RIMBP2: variants seen among roughly 807,000 people sequenced by gnomAD.
RIMBP2 encodes the protein RIMS-binding protein 2.
In RIMBP2, 48 loss-of-function variants were observed where a neutral mutation model predicts 118.6. That is an observed-to-expected ratio of 0.40 (90% CI 0.32 to 0.51). The LOEUF (loss-of-function observed/expected upper bound fraction) is 0.51, where lower values mean the gene tolerates loss of function less well. Ranked by LOEUF, RIMBP2 falls within the 20% of genes least tolerant of loss-of-function variation. RIMBP2 has a pLI of 0.41. For synonymous variants in RIMBP2, 762 were observed against 742.9 expected, an observed-to-expected ratio of 1.03 and a Z score of -0.42; for missense variants, 1,551 against 1,768.3, an observed-to-expected ratio of 0.88 and a Z score of 2.20.
chr12:130,453,377 T>C (rs1593356866), intron 7 of RIMBP2, among the ~76,000 whole-genome samples: 1 of 152,348 alleles, frequency 6.6e-6, no homozygotes. Flanking sequence ...CGGGACCCCT[T>C]CTCTGTCTTG....
intron 1 of RIMBP2, among the ~76,000 whole-genome samples, chr12:130,672,899 A>G: frequency 6.6e-6 from 1 of 152,326 alleles, no homozygotes; most frequent in South Asian, 2.1e-4. Context: ...TAGTATTTAG[A>G]TCCACACTTC....
intron 2 of RIMBP2, among the ~76,000 whole-genome samples, chr12:130,570,119 A>T (rs2057517475): frequency 6.6e-6 from 1 of 152,036 alleles, no homozygotes; most frequent in South Asian, 2.1e-4. Context: ...TCTCTCTGTG[A>T]TGTATTAAAA....
At chr12:130,488,706 C>T (rs2082683112) in intron 4 of RIMBP2, among the ~76,000 whole-genome samples, 1 of 151,450 alleles carries the variant, frequency 6.6e-6, no homozygotes, top group African/African-American at 2.4e-5. Context: ...CCTCCCACTT[C>T]CCATCCTGAG....
chr12:130,481,817 G>A (rs35767320), intron 4 of RIMBP2, among the ~76,000 whole-genome samples: 30,062 of 152,032 alleles, frequency 0.2, 3,457 homozygotes, highest in Middle Eastern at 0.38. Flanking sequence ...CAGCCCTCCC[G>A]AGATCCGCCC....
At chr12:130,445,320 G>C (rs376306450) in intron 9 of RIMBP2, 51 bp from the exon 10 acceptor site, 3 of 1,345,530 alleles carry the variant, frequency 2.2e-6, no homozygotes, top group Admixed American at 1.9e-5. Context: ...GACACAGCCC[G>C]CACCCCTGTC....
In RIMBP2 at chr12:130,441,998, C is replaced by T. The variant is rs540874969; in HGVS notation, c.1354G>A (p.Ala452Thr). 6.2e-6 allele frequency: 10 copies of T among 1,614,024 alleles called. No homozygotes were observed. The highest frequency in any genetic ancestry group is 1.1e-5 in the South Asian group (1 of 91,082). Residue 452 changes from alanine to threonine, a missense_variant, in exon 11 of 23, where the codon GCC becomes ACC. By Grantham distance (58) the Ala-to-Thr change is moderately conservative. Around this residue, in one of 5 missense-constraint regions of RIMBP2, gnomAD observed 265 missense variants for 349.5 expected, o/e 0.76. Coordinates refer to ENST00000690449, the MANE Select transcript of RIMBP2 (RefSeq NM_001393629.1). ...TTGAAGAACTGGTACTTGTACCTGGCGGCCTTGACGATGTCGAACTCCTCC... is the reference window on the plus strand; with the variant it reads ...TTGAAGAACTGGTACTTGTACCTGGTGGCCTTGACGATGTCGAACTCCTCC... ...NEEEFDIVKA[A>T]RYKYQFFNLR...
rs557567930 is a variant in RIMBP2, at chr12:130,533,564, AC to A, written c.-216-15648del. ...TCCAGTAATTCCACTACTGGTATCCACCCAAAGGAAAACAAATCATTGTATC... is the reference window on the plus strand; with the variant it reads ...TCCAGTAATTCCACTACTGGTATCCACCAAAGGAAAACAAATCATTGTATC... On this transcript the variant is annotated intron_variant, in intron 2 of 22. Coordinates refer to ENST00000690449, the MANE Select transcript of RIMBP2 (RefSeq NM_001393629.1). 2.3e-4 allele frequency among the ~76,000 whole-genome samples: 35 copies of A among 152,342 alleles called. 1 individual carries two copies. In the South Asian group the frequency reaches 7.1e-3, roughly 31 times the overall value.
Position 130,579,386 on chromosome 12 carries a change from G to A in RIMBP2, c.-217+48936C>T, listed in dbSNP as rs2058309619. Among the ~76,000 whole-genome samples, 4 of 152,292 alleles carry A rather than the reference G, an allele frequency of 2.6e-5. No homozygotes were observed. In the South Asian group the frequency reaches 8.3e-4, roughly 32 times the overall value. On this transcript the variant is annotated intron_variant, in intron 2 of 22. Transcript: ENST00000690449. ...AAACCCTGGGCCCTGACTCTCTGAT[G>A]AGCTTCCCTGGTAGATGACGTTTCA...
chr12:130,644,997 A>G (rs1461452153), intron 1 of RIMBP2, among the ~76,000 whole-genome samples: 1 of 152,224 alleles, frequency 6.6e-6, no homozygotes, highest in East Asian at 1.9e-4. Flanking sequence ...AATACTCAGG[A>G]ACACTGTGAA....
In RIMBP2 at chr12:130,442,477, G is replaced by A. The variant is rs142639224; in HGVS notation, c.875C>T (p.Ala292Val). The stretch of plus-strand genomic sequence containing the variant: ...CCCGGCACTGTTGTCGGTGATGCCC[G>A]CATCTATGTGGGTTGGGGAGTGGAG... ...LDLHSPTHID[A>V]GITDNSAGTL... Residue 292 changes from alanine to valine, a missense_variant, in exon 11 of 23, where the codon GCG (alanine) becomes GTG (valine). Around this residue, in one of 5 missense-constraint regions of RIMBP2, gnomAD observed 265 missense variants for 349.5 expected, o/e 0.76. Transcript: ENST00000690449. This position sits in a 1 kb window ranked among gnomAD's most constrained non-coding sequence, Gnocchi z 6.9. 1.2e-4 allele frequency: 192 copies of A among 1,614,180 alleles called. 1 individual carries two copies. The East Asian group carries it at 3.2e-3, about 27-fold the overall frequency.
At chr12:130,654,690 T>A (rs2063352834) in intron 1 of RIMBP2, among the ~76,000 whole-genome samples, 1 of 152,258 alleles carries the variant, frequency 6.6e-6, no homozygotes, top group Admixed American at 6.5e-5. Context: ...TTTGTATTGC[T>A]ATAAAGAAAT....
intron 2 of RIMBP2, among the ~76,000 whole-genome samples, chr12:130,556,694 G>T (rs931237195): frequency 6.6e-6 from 1 of 152,126 alleles, no homozygotes; most frequent in African/African-American, 2.4e-5. Context: ...CCACCTTCTC[G>T]CCTGCTACCC....
At chr12:130,595,101 A>C (rs1255441360) in intron 2 of RIMBP2, among the ~76,000 whole-genome samples, 1 of 152,254 alleles carries the variant, frequency 6.6e-6, no homozygotes, top group Non-Finnish European at 1.5e-5. Flanking sequence ...CCAGTTAAAT[A>C]ATGCACTTTA....
chr12:130,476,391 G>A (rs1206422806), intron 5 of RIMBP2, among the ~76,000 whole-genome samples: 5 of 152,208 alleles, frequency 3.3e-5, no homozygotes, highest in African/African-American at 1.2e-4. Flanking sequence ...AAAGACGACT[G>A]GTGACTTCTA....
intron 14 of RIMBP2, chr12:130,432,421 T>C (rs377208343): frequency 6.6e-5 from 27 of 412,074 alleles, no homozygotes; most frequent in African/African-American, 4.9e-4. Flanking sequence ...ATAAAACCTG[T>C]GCTATCGTGG....
At chr12:130,652,468 CCT>C (rs1362354689) in intron 1 of RIMBP2, among the ~76,000 whole-genome samples, 7 of 152,092 alleles carry the variant, frequency 4.6e-5, no homozygotes, top group African/African-American at 1.7e-4. Context: ...TCTTTGGTGC[CCT>C]CACTTTTTCA....
intron 2 of RIMBP2, among the ~76,000 whole-genome samples, chr12:130,536,950 AG>A (rs1385080508): frequency 6.6e-6 from 1 of 152,212 alleles, no homozygotes; most frequent in African/African-American, 2.4e-5. Flanking sequence ...TTCTAATCAC[AG>A]GAAAACACAA....
At chr12:130,593,635 C>T (rs897903762) in intron 2 of RIMBP2, among the ~76,000 whole-genome samples, 4 of 152,320 alleles carry the variant, frequency 2.6e-5, no homozygotes, top group Admixed American at 2.6e-4. Context: ...CCACGTCATG[C>T]ATGTCCAGTC....
chr12:130,403,188 A>G (rs2074818554), intron 21 of RIMBP2, among the ~76,000 whole-genome samples: 1 of 152,236 alleles, frequency 6.6e-6, no homozygotes, highest in Admixed American at 6.5e-5. Flanking sequence ...GATTTTTGGT[A>G]TCAAATTAGG....
Sources: gnomAD v4.1 joint callset for allele counts (sites outside exome capture counted in the v4.1 genomes callset) on GRCh38, gnomAD v4.1.1 for gene constraint, gnomAD v4.1.1 regional missense constraint, Gnocchi (gnomAD v3.1) non-coding constraint, MANE v1.5 for transcripts, NCBI Gene and HGNC (gene_info 2026-07-23, HGNC 2026-07-21) for gene names.